GLIS3: variants seen among roughly 807,000 people sequenced by gnomAD.
GLIS3 encodes zinc finger protein GLIS3.
In GLIS3, 53 loss-of-function variants were observed where a neutral mutation model predicts 78.6. The observed-to-expected ratio is 0.67, with a 90% CI of 0.54 to 0.85. The LOEUF is 0.85. Ranked by LOEUF, GLIS3 falls within the 40% of genes least tolerant of loss-of-function variation. GLIS3 has a pLI of 0.00. For missense variants in GLIS3, 1,703 were observed against 1,231.1 expected (o/e 1.38, Z -5.74); for synonymous variants, 684 against 509.9 (o/e 1.34, Z -4.60).
At position 4,001,206 on chromosome 9, in the gene GLIS3, C is replaced by T. The variant is rs56862270; in HGVS notation, c.1711-64017G>A. 2.3e-3 allele frequency among the ~76,000 whole-genome samples: 349 copies of T among 152,114 alleles called. 3 individuals carry two copies. The highest frequency in any genetic ancestry group is 8.0e-3 in the African/African-American group (330 of 41,480). ...TTACATATACTTAAATTATATCTGACGAATAAATGAACAAATTAAGAGAGA... is the reference window on the plus strand; with the variant it reads ...TTACATATACTTAAATTATATCTGATGAATAAATGAACAAATTAAGAGAGA... On this transcript the variant is annotated intron_variant, in intron 4 of 10. Transcript: ENST00000381971.
chr9:4,344,175 T>A (rs1448152146), intron 2 of GLIS3, among the ~76,000 whole-genome samples: 1 of 152,142 alleles, frequency 6.6e-6, no homozygotes, highest in Admixed American at 6.5e-5. Flanking sequence ...TCTGGTCCCC[T>A]TTACAGCAAG....
At chr9:4,010,174 T>C (rs944588568) in intron 4 of GLIS3, among the ~76,000 whole-genome samples, 3 of 152,052 alleles carry the variant, frequency 2.0e-5, no homozygotes, top group Non-Finnish European at 2.9e-5. Context: ...TAGCTGTCAA[T>C]GGAGAGCCAC....
chr9:4,283,262 T>C (rs947372446), intron 2 of GLIS3, among the ~76,000 whole-genome samples: 2 of 65,214 alleles, frequency 3.1e-5, no homozygotes, highest in African/African-American at 1.2e-4. Context: ...TGTTTTTTTG[T>C]TTTTTTGTTT....
chr9:4,370,797 T>G, the GLIS3 span, among the ~76,000 whole-genome samples: 12 of 152,004 alleles, frequency 7.9e-5, no homozygotes, highest in Non-Finnish European at 1.2e-4. Context: ...CAACGTACAT[T>G]GGAAATTCAA....
intron 2 of GLIS3, among the ~76,000 whole-genome samples, chr9:4,185,758 G>A (rs955194220): frequency 6.6e-6 from 1 of 152,076 alleles, no homozygotes; most frequent in Admixed American, 6.6e-5. Flanking sequence ...CATCAGTTAG[G>A]GACAAAGCTA....
intron 4 of GLIS3, among the ~76,000 whole-genome samples, chr9:4,049,537 G>T (rs1825538210): frequency 6.6e-6 from 1 of 152,162 alleles, no homozygotes; most frequent in African/African-American, 2.4e-5. Context: ...GCTATTCGTA[G>T]TCTGATTCTT....
chr9:4,322,830 G>C (rs1220144108), intron 2 of GLIS3, among the ~76,000 whole-genome samples: 1 of 152,186 alleles, frequency 6.6e-6, no homozygotes, highest in Non-Finnish European at 1.5e-5. Context: ...CAGATGGGTA[G>C]ATTGCAAAAA....
chr9:4,452,018 A>C, the GLIS3 span, among the ~76,000 whole-genome samples: 2 of 152,086 alleles, frequency 1.3e-5, no homozygotes, highest in Non-Finnish European at 2.9e-5. Flanking sequence ...CTGGTTCAAC[A>C]TTCATGAATC....
At chr9:3,982,157 T>C (rs1280378847) in intron 4 of GLIS3, among the ~76,000 whole-genome samples, 1 of 152,132 alleles carries the variant, frequency 6.6e-6, no homozygotes, top group Non-Finnish European at 1.5e-5. Flanking sequence ...TTCTCAAAGT[T>C]TTTCTTTCCC....
the GLIS3 span, among the ~76,000 whole-genome samples, chr9:4,366,714 G>A: frequency 6.6e-6 from 1 of 152,210 alleles, no homozygotes; most frequent in African/African-American, 2.4e-5. Context: ...CTGGCTGGAG[G>A]CTCCAGGCCT....
In GLIS3 at chr9:4,117,582, T is replaced by A. The variant is rs560364249; in HGVS notation, c.1710+186A>T. On this transcript the variant is annotated intron_variant, in intron 4 of 10. Coordinates refer to ENST00000381971, the MANE Select transcript of GLIS3 (RefSeq NM_001042413.2). Reference sequence around the variant, plus strand: ...TCGTGTACCTTTGCAGAAGGAAATATAGCAATGGAGAGCCACTAACCATGA... The same window carrying A: ...TCGTGTACCTTTGCAGAAGGAAATAAAGCAATGGAGAGCCACTAACCATGA... Among the ~76,000 whole-genome samples, 6 of 152,222 alleles carry A rather than the reference T, an allele frequency of 3.9e-5. No homozygotes were observed. The South Asian group carries it at 1.2e-3, about 32-fold the overall frequency.
chr9:4,059,475 C>T (rs548037222), intron 4 of GLIS3, among the ~76,000 whole-genome samples: 26 of 152,158 alleles, frequency 1.7e-4, no homozygotes, highest in Non-Finnish European at 2.9e-4. Context: ...TGTAACAGGC[C>T]ATTGCCTTGC....
At chr9:4,416,276 A>AC in the GLIS3 span, among the ~76,000 whole-genome samples, 5 of 149,348 alleles carry the variant, frequency 3.3e-5, no homozygotes, top group Non-Finnish European at 7.4e-5. Flanking sequence ...AAAAAAAAAA[A>AC]AAAGCATGCA....
intron 6 of GLIS3, among the ~76,000 whole-genome samples, chr9:3,906,419 G>A (rs539580735): frequency 3.5e-4 from 53 of 152,308 alleles, no homozygotes; most frequent in Admixed American, 1.0e-3. Context: ...AGGTCGAGCT[G>A]AATTCACTGT....
chr9:4,280,313 T>G (rs1291819517), intron 2 of GLIS3, among the ~76,000 whole-genome samples: 1 of 152,252 alleles, frequency 6.6e-6, no homozygotes, highest in East Asian at 1.9e-4. Context: ...GTGAGCCACA[T>G]GCCAGCCTGG....
chr9:4,453,695 G>C, the GLIS3 span, among the ~76,000 whole-genome samples: 80 of 152,286 alleles, frequency 5.3e-4, no homozygotes, highest in Admixed American at 3.1e-3. Context: ...CATGTCCTTT[G>C]CAGGGACATG....
At chr9:4,172,715 T>C (rs919391790) in intron 2 of GLIS3, among the ~76,000 whole-genome samples, 22 of 152,156 alleles carry the variant, frequency 1.4e-4, no homozygotes, top group African/African-American at 4.3e-4. Flanking sequence ...GTGAGGAAAG[T>C]CTATAAGAAG....
chr9:3,856,803 C>T (rs1428482630), intron 8 of GLIS3, among the ~76,000 whole-genome samples: 1 of 152,092 alleles, frequency 6.6e-6, no homozygotes, highest in African/African-American at 2.4e-5. Flanking sequence ...AAAGAGTGTT[C>T]CTGAGGGTAT....
chr9:4,485,948 C>G, the GLIS3 span, among the ~76,000 whole-genome samples: 2 of 152,180 alleles, frequency 1.3e-5, no homozygotes, highest in Admixed American at 6.5e-5. Flanking sequence ...GTCTCAAACT[C>G]CTGACCTCAG....
Sources: allele counts gnomAD v4.1 joint callset (sites outside exome capture counted in the v4.1 genomes callset), GRCh38; gene constraint gnomAD v4.1.1; transcripts MANE v1.5; gene names NCBI Gene and HGNC (gene_info 2026-07-23, HGNC 2026-07-21).